The following PLCH2 variants were observed in gnomAD, a reference collection of about 807,000 sequenced individuals.
PLCH2 encodes phospholipase C eta 2.
Under a neutral mutation model 134.7 loss-of-function variants are expected in PLCH2, and 98 were observed. That is an observed-to-expected ratio of 0.73 (90% confidence interval 0.62 to 0.86). The LOEUF is 0.86. Ranked by LOEUF, PLCH2 falls within the 40% of genes least tolerant of loss-of-function variation. The pLI is 0.00. For missense variants in PLCH2, 1,994 were observed against 1,986.6 expected (o/e 1.00, Z -0.07); for synonymous variants, 974 against 827.5 (o/e 1.18, Z -3.04).
intron 1 of PLCH2, among the ~76,000 whole-genome samples, chr1:2,429,891 A>G (rs557479700): frequency 8.2e-4 from 125 of 152,216 alleles, no homozygotes; most frequent in African/African-American, 2.7e-3. Context: ...GGCCTCAGAG[A>G]CACCCCAGGC....
rs111906581 is a variant in PLCH2, at chr1:2,486,635, C to G, written c.817-272C>G. ...TGGCCTCTGCTCCGTGCCAGGCCCA[C>G]TCTGGGCCACAGGTCTCGCACTGGT... On this transcript the variant is annotated intron_variant, in intron 5 of 21. Coordinates refer to ENST00000378486, the MANE Select transcript of PLCH2 (RefSeq NM_014638.4). Among the ~76,000 whole-genome samples, 752 of 152,380 alleles carry G rather than the reference C, an allele frequency of 4.9e-3. 7 individuals are homozygous for G. The highest frequency in any genetic ancestry group is 0.017 in the African/African-American group (713 of 41,590).
At chr1:2,451,047 T>C (rs529168779) in intron 2 of PLCH2, among the ~76,000 whole-genome samples, 1 of 151,946 alleles carries the variant, frequency 6.6e-6, no homozygotes, top group Admixed American at 6.5e-5. Flanking sequence ...GGCCCTGCCA[T>C]AGGGGCTGTG....
chr1:2,484,750 A>T, intron 5 of PLCH2, 132 bp downstream of exon 5: 1 of 966,140 alleles, frequency 1.0e-6, no homozygotes, highest in East Asian at 2.6e-5. Context: ...GGGATGGGCT[A>T]CCTGGGCTCA....
At chr1:2,456,507 C>T (rs115776138) in intron 2 of PLCH2, among the ~76,000 whole-genome samples, 91 of 152,368 alleles carry the variant, frequency 6.0e-4, no homozygotes, top group African/African-American at 1.9e-3. Context: ...TCACTGTCAC[C>T]GCTGCCGGTG....
At position 2,503,340 on chromosome 1, in the gene PLCH2, C is replaced by A. The variant is rs573606900; in HGVS notation, c.2960-582C>A. On this transcript the variant is annotated intron_variant, in intron 21 of 21. Coordinates refer to ENST00000378486, the MANE Select transcript of PLCH2 (RefSeq NM_014638.4). ...CATTCCCACCTCCCTCTAGGGCAGG[C>A]TCCAGGGGTCCCTACTGGGAAGTCT... 327 of 581,288 alleles carry A rather than the reference C, an allele frequency of 5.6e-4. No individual in the cohort carries two copies. In the African/African-American group the frequency reaches 5.7e-3, roughly 10 times the overall value. The allele number at this position is 581,288 out of a possible 1,614,324, so 36.0% of individuals were successfully genotyped here.
rs1283711863 is a variant in PLCH2, at chr1:2,448,391, C to T, written c.115+17762C>T. ...GGCTCTGGCGTCCCTTGGGTTGTGG[C>T]CGCCTCCTGCTTCTGCCTGTCTTCC... On this transcript the variant is annotated intron_variant, in intron 2 of 3. Transcript: ENST00000609981. The surrounding 1 kb of genome is among the most constrained non-coding windows in gnomAD (Gnocchi z 4.0). Among the ~76,000 whole-genome samples the T allele has an allele frequency of 2.6e-5, 4 of 152,140 alleles. No individual in the cohort carries two copies. The highest frequency in any genetic ancestry group is 5.9e-5 in the Non-Finnish European group (4 of 68,018).
intron 2 of PLCH2, among the ~76,000 whole-genome samples, chr1:2,440,994 A>C (rs1234007856): frequency 6.6e-6 from 1 of 152,172 alleles, no homozygotes; most frequent in East Asian, 1.9e-4. Context: ...TGCCCCCAGG[A>C]AACCGCCCCG....
chr1:2,496,496 G>T, intron 13 of PLCH2, 111 bp from the exon 14 acceptor site: 1 of 865,514 alleles, frequency 1.2e-6, no homozygotes, highest in South Asian at 1.5e-5. Flanking sequence ...ATGGTTCGGG[G>T]CCTGCTGCGT....
intron 11 of PLCH2, among the ~76,000 whole-genome samples, chr1:2,491,964 C>T (rs1396265791): frequency 2.2e-4 from 26 of 117,712 alleles, no homozygotes; most frequent in Admixed American, 8.2e-4. Flanking sequence ...AGTCCTGCTG[C>T]GGGTGGGGCA....
intron 2 of PLCH2, 97 bp downstream of exon 2, chr1:2,478,719 C>A: frequency 8.0e-7 from 1 of 1,255,376 alleles, no homozygotes; most frequent in Non-Finnish European, 1.1e-6. Context: ...TGAGGAGCAG[C>A]GAGACCCTAG....
upstream of PLCH2, among the ~76,000 whole-genome samples, chr1:2,424,737 C>T (rs1366448686): frequency 2.6e-5 from 4 of 152,186 alleles, no homozygotes; most frequent in Non-Finnish European, 4.4e-5. Flanking sequence ...CCTGTAATCC[C>T]AGCACTTTGG....
chr1:2,438,196 C>A (rs549360754), intron 2 of PLCH2, among the ~76,000 whole-genome samples: 3 of 152,216 alleles, frequency 2.0e-5, no homozygotes, highest in African/African-American at 7.2e-5. Flanking sequence ...AATGAGCAAG[C>A]GCGGAGATGA....
chr1:2,481,226 G>C (rs1222633549), intron 4 of PLCH2, among the ~76,000 whole-genome samples: 2 of 152,256 alleles, frequency 1.3e-5, no homozygotes, highest in Non-Finnish European at 2.9e-5. Flanking sequence ...GCTGGAGCAA[G>C]GGAAGCTGGC....
In PLCH2 at chr1:2,476,844, C is replaced by T. The variant is rs187014092; in HGVS notation, c.124+132C>T. ...TCCTGCACTCGCCTCCCCTGTCCCCCGGGTGCTCTAGGGATCATGTGGGTC... is the reference window on the plus strand; with the variant it reads ...TCCTGCACTCGCCTCCCCTGTCCCCTGGGTGCTCTAGGGATCATGTGGGTC... On this transcript the variant is annotated intron_variant, in intron 1 of 21. Transcript: ENST00000378486. 1.4e-4 allele frequency: 141 copies of T among 977,812 alleles called. 1 individual carries two copies. Among genetic ancestry groups the T allele is most frequent in the South Asian group, 1.0e-3 (57 of 54,496 alleles). The allele number at this position is 977,812 out of a possible 1,614,324, so 60.6% of individuals were successfully genotyped here.
chr1:2,484,053 T>G (rs188904619), intron 4 of PLCH2, among the ~76,000 whole-genome samples: 2 of 135,348 alleles, frequency 1.5e-5, no homozygotes, highest in Non-Finnish European at 3.2e-5. Flanking sequence ...CCCGTGTGGG[T>G]GGCGTTGGCT....
At chr1:2,486,799 C>T in intron 5 of PLCH2, 108 bp from the exon 6 acceptor site, 1 of 849,336 alleles carries the variant, frequency 1.2e-6, no homozygotes, top group African/African-American at 1.7e-5. Flanking sequence ...CATGGTCATC[C>T]CTGGTGTAAT....
chr1:2,468,776 G>T (rs1222754934), intron 1 of PLCH2, among the ~76,000 whole-genome samples: 1 of 152,202 alleles, frequency 6.6e-6, no homozygotes, highest in African/African-American at 2.4e-5. Context: ...ACGGGTTGCT[G>T]GTTTTTGCCT....
chr1:2,498,350 G>T lies in PLCH2; in HGVS notation c.2225-173G>T. On this transcript the variant is annotated intron_variant, in intron 16 of 21. Coordinates refer to ENST00000378486, the MANE Select transcript of PLCH2 (RefSeq NM_014638.4). The surrounding 1 kb of genome is among the most constrained non-coding windows in gnomAD (Gnocchi z 5.4). ...GTAGCCACAAAGGTGATCCATACTG[G>T]GCCAGGTGCACCCCGAGGTGCCCCC... The T allele has an allele frequency of 1.5e-6, 1 of 646,850 alleles. No individual in the cohort carries two copies. Among genetic ancestry groups the T allele is most frequent in the Non-Finnish European group, 2.6e-6 (1 of 378,274 alleles). 40.1% of individuals were successfully genotyped at this position (646,850 alleles called of 1,614,324 possible).
intron 20 of PLCH2, chr1:2,500,370 C>A (rs539517994): frequency 3.7e-4 from 56 of 153,350 alleles, no homozygotes; most frequent in Non-Finnish European, 6.2e-4. Context: ...TCCTGCCATG[C>A]TCTCGGGCCC....
Sources: gnomAD v4.1 joint callset for allele counts (sites outside exome capture counted in the v4.1 genomes callset) on GRCh38, gnomAD v4.1.1 for gene constraint, Gnocchi (gnomAD v3.1) non-coding constraint, MANE v1.5 for transcripts, NCBI Gene and HGNC (gene_info 2026-07-23, HGNC 2026-07-21) for gene names.